ADGRF5: variants seen among roughly 807,000 people sequenced by gnomAD.
The protein encoded by ADGRF5 is adhesion G protein-coupled receptor F5.
ADGRF5 carries 75 observed loss-of-function variants against 132.3 expected under a neutral mutation model. The ratio of observed to expected loss-of-function variants is 0.57; its 90% CI spans 0.47 to 0.69. The LOEUF (loss-of-function observed/expected upper bound fraction) is 0.69. Among genes scored for constraint, ADGRF5 ranks in the 30% least tolerant of loss-of-function variants. The pLI is 0.00. For synonymous variants in ADGRF5, 629 were observed against 597.6 expected, an observed-to-expected ratio of 1.05 and a Z score of -0.77; for missense variants, 1,516 against 1,630.6, an observed-to-expected ratio of 0.93 and a Z score of 1.21.
At chr6:46,873,532 C>T (rs1771318743) in intron 10 of ADGRF5, among the ~76,000 whole-genome samples, 1 of 152,112 alleles carries the variant, frequency 6.6e-6, no homozygotes, top group Non-Finnish European at 1.5e-5. Flanking sequence ...CTCATCCCTC[C>T]TTCTGGGTCT....
chr6:46,875,930 A>G (rs1771604615), intron 10 of ADGRF5, among the ~76,000 whole-genome samples: 1 of 152,218 alleles, frequency 6.6e-6, no homozygotes, highest in Non-Finnish European at 1.5e-5. Context: ...TCTTCATTGA[A>G]TTTTAGTTTC....
At chr6:46,881,419 T>C (rs770655709) in intron 8 of ADGRF5, 36 bp downstream of exon 8, 11 of 1,580,782 alleles carry the variant, frequency 7.0e-6, no homozygotes, top group Non-Finnish European at 9.6e-6. Flanking sequence ...CGCATAACCA[T>C]AAATAACATG....
intron 1 of ADGRF5, among the ~76,000 whole-genome samples, chr6:46,944,672 G>A (rs760756437): frequency 3.4e-4 from 51 of 152,104 alleles, no homozygotes; most frequent in South Asian, 1.7e-3. Flanking sequence ...ATGTCATTAC[G>A]GTTCTCTTAT....
intron 10 of ADGRF5, among the ~76,000 whole-genome samples, chr6:46,877,306 TTTCC>T (rs1554200509): frequency 6.5e-5 from 5 of 77,140 alleles, no homozygotes; most frequent in South Asian, 4.8e-4. Context: ...TCTCTCTCTC[TTTCC>T]TTCCTTCCTT....
At chr6:46,862,703 C>CTTGTTTTTTTTTTTTT (rs1769908919) in intron 15 of ADGRF5, among the ~76,000 whole-genome samples, 185 bp downstream of exon 15, 1 of 26,506 alleles carries the variant, frequency 3.8e-5, no homozygotes, top group Non-Finnish European at 6.0e-5. Flanking sequence ...TGAATTGAGG[C>CTTGTTTTTTTTTTTTT]TTTTTTTTTT....
chr6:46,888,388 T>C lies in ADGRF5; in HGVS notation c.275A>G (p.His92Arg). Reference sequence around the variant, plus strand: ...GGTAATTTGGTCAGTGTTATTCCCATGAATTGGAAAACTGAGGCTGTTCAA... The same window carrying C: ...GGTAATTTGGTCAGTGTTATTCCCACGAATTGGAAAACTGAGGCTGTTCAA... ...AYLNSLSFPI[H>R]GNNTDQITDI... The change falls in exon 4 of 21, where the codon CAT becomes CGT. Residue 92 changes from histidine (H) to arginine (R), a missense_variant. By Grantham distance (29) the His-to-Arg change is conservative. This residue lies in a region of ADGRF5 where 945 missense variants were observed against 929.4 expected (regional missense o/e 1.02). Coordinates refer to ENST00000283296, the MANE Select transcript of ADGRF5 (RefSeq NM_001098518.2). 1 of 1,612,400 alleles carries C rather than the reference T, an allele frequency of 6.2e-7. No individual in the cohort carries two copies. Among genetic ancestry groups the C allele is most frequent in the Admixed American group, 1.7e-5 (1 of 60,020 alleles).
In ADGRF5 at chr6:46,878,396, A is replaced by G; in HGVS notation, c.1046T>C (p.Val349Ala). The G allele has an allele frequency of 1.3e-6, 2 of 1,591,618 alleles. No homozygotes were observed. Among genetic ancestry groups the G allele is most frequent in the Non-Finnish European group, 1.7e-6 (2 of 1,160,126 alleles). ...AAAAATGTCTAATATCAGTTTGCAA[A>G]CATATTCACCTGCATAAAATACACA... The part of the protein sequence containing the change: ...NITPGDAGEY[V>A]CKLILDIFEY... Residue 349 changes from valine (V) to alanine (A), a missense_variant, in exon 10 of 21, where the codon GTT (valine) becomes GCT (alanine). Val to Ala is a moderately conservative substitution (Grantham distance 64, BLOSUM62 0). Transcript: ENST00000283296.
chr6:46,949,868 G>A (rs1318021005), intron 1 of ADGRF5, among the ~76,000 whole-genome samples: 1 of 152,200 alleles, frequency 6.6e-6, no homozygotes, highest in Non-Finnish European at 1.5e-5. Context: ...GTGGTTTACA[G>A]TGAAGTTTTC....
intron 3 of ADGRF5, among the ~76,000 whole-genome samples, chr6:46,896,961 A>C (rs1422269750): frequency 1.3e-5 from 2 of 152,120 alleles, no homozygotes; most frequent in Non-Finnish European, 2.9e-5. Context: ...AAGGATGTAC[A>C]TAGGTTATAT....
At chr6:46,946,593 G>A (rs1198472623) in intron 1 of ADGRF5, among the ~76,000 whole-genome samples, 27 of 152,182 alleles carry the variant, frequency 1.8e-4, no homozygotes, top group Admixed American at 1.7e-3. Flanking sequence ...ACAGGAAAGG[G>A]CCAATAAGAG....
In ADGRF5 at chr6:46,914,857, G is replaced by T. The variant is rs371372803; in HGVS notation, c.-25+6856C>A. ...TTTGTTGTTTGTTTTTATTTTTTTT[G>T]TTTGTTTGTTTTTTTTGAGACGGAA... On this transcript the variant is annotated intron_variant, in intron 1 of 20. Transcript: ENST00000283296. Among the ~76,000 whole-genome samples, 546 of 151,614 alleles carry T rather than the reference G, an allele frequency of 3.6e-3. 1 individual carries two copies. The highest frequency in any genetic ancestry group is 6.8e-3 in the Middle Eastern group (2 of 294).
At chr6:46,867,187 A>C in intron 12 of ADGRF5, 50 bp from the exon 13 acceptor site, 1 of 1,077,884 alleles carries the variant, frequency 9.3e-7, no homozygotes, top group East Asian at 2.4e-5. Flanking sequence ...ATCGCCCTTC[A>C]AAAGCATCTG....
intron 12 of ADGRF5, among the ~76,000 whole-genome samples, chr6:46,867,756 C>T (rs890822042): frequency 1.3e-5 from 2 of 151,636 alleles, no homozygotes; most frequent in Admixed American, 6.6e-5. Flanking sequence ...AACCAGAGGG[C>T]GAACGAGCAA....
intron 1 of ADGRF5, among the ~76,000 whole-genome samples, chr6:46,937,176 G>A (rs570959771): frequency 1.3e-5 from 2 of 152,036 alleles, no homozygotes. Flanking sequence ...TGTCTGATGA[G>A]CAAAAATGCT....
At chr6:46,860,957 TG>T in intron 15 of ADGRF5, 63 bp from the exon 16 acceptor site, 1 of 1,338,676 alleles carries the variant, frequency 7.5e-7, no homozygotes, top group Non-Finnish European at 1.0e-6. Context: ...CGAATCCAGC[TG>T]ATCCATTCCT....
chr6:46,915,895 C>T (rs937987313), intron 1 of ADGRF5, among the ~76,000 whole-genome samples: 13 of 152,136 alleles, frequency 8.5e-5, no homozygotes, highest in African/African-American at 1.7e-4. Flanking sequence ...CCCTGGCTTG[C>T]GGTGGGTACC....
chr6:46,866,420 G>A (rs1413229537), intron 13 of ADGRF5, among the ~76,000 whole-genome samples: 1 of 151,998 alleles, frequency 6.6e-6, no homozygotes, highest in East Asian at 1.9e-4. Flanking sequence ...ATGCCCTCTG[G>A]AGCCTTAAAA....
chr6:46,937,483 C>T (rs1777892338), intron 1 of ADGRF5, among the ~76,000 whole-genome samples: 1 of 152,110 alleles, frequency 6.6e-6, no homozygotes, highest in African/African-American at 2.4e-5. Flanking sequence ...CATTCGTCAC[C>T]ATTCTAGTTG....
At chr6:46,885,535 G>A (rs1019785839) in intron 4 of ADGRF5, among the ~76,000 whole-genome samples, 1 of 152,216 alleles carries the variant, frequency 6.6e-6, no homozygotes, top group South Asian at 2.1e-4. Flanking sequence ...GGAAGCCCCA[G>A]TGAGGAAGAA....
Sources: allele counts gnomAD v4.1 joint callset (sites outside exome capture counted in the v4.1 genomes callset), GRCh38; gene constraint gnomAD v4.1.1; regional missense constraint gnomAD v4.1.1; transcripts MANE v1.5; gene names NCBI Gene and HGNC (gene_info 2026-07-23, HGNC 2026-07-21).